The following GRIN2D variants were observed in gnomAD, a reference collection of about 807,000 sequenced individuals.
The protein encoded by GRIN2D is glutamate receptor ionotropic, NMDA 2D.
Under a neutral mutation model 103.2 loss-of-function variants are expected in GRIN2D, and 37 were observed. The ratio of observed to expected loss-of-function variants is 0.36; its 90% CI spans 0.28 to 0.47. The LOEUF (loss-of-function observed/expected upper bound fraction) is 0.47, where lower values mean the gene tolerates loss of function less well. GRIN2D is among the 20% of genes least tolerant of loss of function. GRIN2D has a pLI of 1.00. For missense variants in GRIN2D, 1,557 were observed against 1,910.6 expected (o/e 0.81, Z 3.45); for synonymous variants, 845 against 885.6 (o/e 0.95, Z 0.81).
chr19:48,419,516 T>A (rs545387915), intron 9 of GRIN2D, 69 bp from the exon 10 acceptor site: 1 of 74,172 alleles, frequency 1.3e-5, no homozygotes, highest in South Asian at 5.6e-4. Flanking sequence ...TAGTTCTTTC[T>A]TTTTTTTTTT....
chr19:48,440,886 C>T (rs1971283243), intron 11 of GRIN2D, among the ~76,000 whole-genome samples: 1 of 152,080 alleles, frequency 6.6e-6, no homozygotes, highest in Non-Finnish European at 1.5e-5. Flanking sequence ...GGGGTTTCAC[C>T]ATGTTGGCCA....
Position 48,404,790 on chromosome 19 carries a change from C to A in GRIN2D, c.522C>A (p.Val174=). 1.2e-6 allele frequency: 2 copies of A among 1,613,966 alleles called. No individual in the cohort carries two copies. The highest frequency in any genetic ancestry group is 1.1e-5 in the South Asian group (1 of 91,050). ...LGSSTEQQLQ[V]IFEVLEEYDW... ...CTTCCACCGAGCAACAGCTTCAGGT[C>A]ATCTTTGAGGTGCTGGAGGAGTATG... Residue 174 remains valine, a synonymous_variant, in exon 4 of 14, where the codon GTC becomes GTA. Coordinates refer to ENST00000263269, the MANE Select transcript of GRIN2D (RefSeq NM_000836.4).
chr19:48,412,873 G>A (rs1047731738), intron 4 of GRIN2D, among the ~76,000 whole-genome samples: 25 of 147,444 alleles, frequency 1.7e-4, no homozygotes, highest in African/African-American at 5.6e-4. Flanking sequence ...GCTCATGCCT[G>A]TAATCCCAAC....
At position 48,442,486 on chromosome 19, in the gene GRIN2D, G is replaced by T. The variant is rs140029041; in HGVS notation, c.2673+104G>T. On this transcript the variant is annotated intron_variant, in intron 13 of 13. Coordinates refer to ENST00000263269, the MANE Select transcript of GRIN2D (RefSeq NM_000836.4). This position sits in a 1 kb window ranked among gnomAD's most constrained non-coding sequence, Gnocchi z 7.2. ...ATGTGGGTCGAGATGTGGATAGTGG[G>T]GAAGAGAGCGGGAAACACAGGCGGG... 5,763 of 1,514,738 alleles carry T rather than the reference G, an allele frequency of 3.8e-3. 147 individuals are homozygous for T. The African/African-American group carries it at 0.069, about 18-fold the overall frequency. 93.8% of individuals were successfully genotyped at this position (1,514,738 alleles called of 1,614,324 possible).
Position 48,394,633 on chromosome 19 carries a change from G to A in GRIN2D, c.-305-25G>A, listed in dbSNP as rs914882811. Among the ~76,000 whole-genome samples, 4 of 152,274 alleles carry A rather than the reference G, an allele frequency of 2.6e-5. No individual in the cohort carries two copies. Among genetic ancestry groups the A allele is most frequent in the African/African-American group, 9.6e-5 (4 of 41,570 alleles). On this transcript the variant is annotated intron_variant, in intron 1 of 13. Coordinates refer to ENST00000263269, the MANE Select transcript of GRIN2D (RefSeq NM_000836.4). The surrounding 1 kb of genome is among the most constrained non-coding windows in gnomAD (Gnocchi z 5.1). The stretch of plus-strand genomic sequence containing the variant: ...GCAAGAGGACACCCCGACAGCCTCT[G>A]CAATGTCCGGGGCCCAACTTCCAGA...
chr19:48,407,516 GGT>G (rs767476614), intron 4 of GRIN2D, among the ~76,000 whole-genome samples: 6 of 152,158 alleles, frequency 3.9e-5, no homozygotes, highest in East Asian at 3.8e-4. Flanking sequence ...TTCCAAACCA[GGT>G]TGCACAAGTC....
chr19:48,419,468 CG>C (rs1970989638), intron 9 of GRIN2D, 109 bp downstream of exon 9: 1 of 1,413,750 alleles, frequency 7.1e-7, no homozygotes, highest in African/African-American at 1.4e-5. Context: ...TAGGGCCTCT[CG>C]GGAGGTGCCA....
chr19:48,416,798 T>G (rs992378425), intron 8 of GRIN2D, among the ~76,000 whole-genome samples: 2 of 150,388 alleles, frequency 1.3e-5, no homozygotes, highest in South Asian at 4.2e-4. Flanking sequence ...TGGAATGCAG[T>G]GGCACCATCT....
At chr19:48,419,128 C>T (rs1052191765) in intron 8 of GRIN2D, 106 bp from the exon 9 acceptor site, 53 of 1,019,950 alleles carry the variant, frequency 5.2e-5, no homozygotes, top group Admixed American at 1.3e-4. Context: ...ATCCTCCTGC[C>T]TCAGCCTCCC....
At position 48,398,384 on chromosome 19, in the gene GRIN2D, C is replaced by A; in HGVS notation, c.-9C>A. ...GCGCTCAGAGGCCGCCCGGCGGGGC[C>A]CGCAGGCGATGCGCGGCGCCGGTGG... On this transcript the variant is annotated 5_prime_UTR_variant, in exon 3 of 14. Coordinates refer to ENST00000263269, the MANE Select transcript of GRIN2D (RefSeq NM_000836.4). 1 of 1,122,500 alleles carries A rather than the reference C, an allele frequency of 8.9e-7. No individual in the cohort carries two copies. Among genetic ancestry groups the A allele is most frequent in the Non-Finnish European group, 1.1e-6 (1 of 918,756 alleles). The allele number at this position is 1,122,500 out of a possible 1,614,324, so 69.5% of individuals were successfully genotyped here. A position where few individuals can be genotyped will look rare whatever the true frequency, so the allele number is the denominator to read the frequency against.
chr19:48,412,433 G>GA (rs896758818), intron 4 of GRIN2D, among the ~76,000 whole-genome samples: 16 of 124,904 alleles, frequency 1.3e-4, no homozygotes, highest in African/African-American at 5.1e-4. Flanking sequence ...AAGAAAGAAA[G>GA]AAAGAAAGAA....
chr19:48,441,988 A>G (rs1290018882), intron 12 of GRIN2D, 32 bp downstream of exon 12: 14 of 1,581,356 alleles, frequency 8.9e-6, no homozygotes, highest in Non-Finnish European at 1.1e-5. Context: ...TCCACAGCGG[A>G]GAGGGGGAGG....
rs1267753813 is a variant in GRIN2D, at chr19:48,414,749, T to G, written c.1413-115T>G. On this transcript the variant is annotated intron_variant, in intron 6 of 13. Coordinates refer to ENST00000263269, the MANE Select transcript of GRIN2D (RefSeq NM_000836.4). The surrounding 1 kb of genome is among the most constrained non-coding windows in gnomAD (Gnocchi z 4.6). ...GAATTCTTTGAGCCTGAGTTTCCCCTGAAAGCGCTAACCATAGTTTTAGCT... is the reference window on the plus strand; with the variant it reads ...GAATTCTTTGAGCCTGAGTTTCCCCGGAAAGCGCTAACCATAGTTTTAGCT... The G allele has an allele frequency of 7.5e-7, 1 of 1,340,756 alleles. No homozygotes were observed. The highest frequency in any genetic ancestry group is 1.0e-6 in the Non-Finnish European group (1 of 969,334). The allele number at this position is 1,340,756 out of a possible 1,614,324, so 83.1% of individuals were successfully genotyped here. A position where few individuals can be genotyped will look rare whatever the true frequency, so the allele number is the denominator to read the frequency against.
chr19:48,415,935 G>GCCGT (rs962089005), intron 7 of GRIN2D, 67 bp from the exon 8 acceptor site: 5 of 1,449,862 alleles, frequency 3.4e-6, no homozygotes, highest in Non-Finnish European at 4.8e-6. Flanking sequence ...GTCTCTGCTC[G>GCCGT]CCGTCCGTGT....
Position 48,443,028 on chromosome 19 carries a change from C to T in GRIN2D, c.3102C>T (p.Pro1034=). Residue 1034 remains proline, a synonymous_variant, in exon 14 of 14, where the codon CCC becomes CCT. Transcript: ENST00000263269. This position sits in a 1 kb window ranked among gnomAD's most constrained non-coding sequence, Gnocchi z 8.9. ...FPGFPSPPAP[P]AAAATAVGPP... ...GCTTCCCGTCGCCGCCCGCGCCCCC[C>T]GCCGCCGCGGCCACCGCCGTCGGGC... The T allele has an allele frequency of 1.9e-6, 2 of 1,058,064 alleles. No homozygotes were observed. The highest frequency in any genetic ancestry group is 2.3e-6 in the Non-Finnish European group (2 of 880,558). The allele number at this position is 1,058,064 out of a possible 1,614,324, so 65.5% of individuals were successfully genotyped here. A position where few individuals can be genotyped will look rare whatever the true frequency, so the allele number is the denominator to read the frequency against.
In GRIN2D at chr19:48,444,082, T is replaced by A. The variant is rs952858248; in HGVS notation, c.*145T>A. Reference sequence around the variant, plus strand: ...GCCTGGAGCAGCGTCCTGCGCCCCCTGGTTCTGGAGGAACCGCAAGCCGGA... The same window carrying A: ...GCCTGGAGCAGCGTCCTGCGCCCCCAGGTTCTGGAGGAACCGCAAGCCGGA... On this transcript the variant is annotated 3_prime_UTR_variant, in exon 14 of 14. Coordinates refer to ENST00000263269, the MANE Select transcript of GRIN2D (RefSeq NM_000836.4). This position sits in a 1 kb window ranked among gnomAD's most constrained non-coding sequence, Gnocchi z 5.5. 3.8e-5 allele frequency: 19 copies of A among 495,742 alleles called. No homozygotes were observed. Among genetic ancestry groups the A allele is most frequent in the African/African-American group, 3.2e-4 (16 of 49,740 alleles). The allele number at this position is 495,742 out of a possible 1,614,324, so 30.7% of individuals were successfully genotyped here.
Position 48,442,738 on chromosome 19 carries a change from G to C in GRIN2D, c.2812G>C (p.Ala938Pro). The C allele has an allele frequency of 9.1e-7, 1 of 1,102,798 alleles. No homozygotes were observed. 68.3% of individuals were successfully genotyped at this position (1,102,798 alleles called of 1,614,324 possible). ...CGCACCTTTCGTGCCCCGCGAGCGCGCCTCAGTGGACCGCTGGCGCCGGAC... is the reference window on the plus strand; with the variant it reads ...CGCACCTTTCGTGCCCCGCGAGCGCCCCTCAGTGGACCGCTGGCGCCGGAC... Reference protein sequence around the residue: ...GPAPFVPRERASVDRWRRTKG... With the variant: ...GPAPFVPRERPSVDRWRRTKG... The change falls in exon 14 of 14, where the codon GCC (alanine) becomes CCC (proline). Residue 938 changes from alanine (A) to proline (P), a missense_variant. This residue lies in a region of GRIN2D where 632 missense variants were observed against 572.8 expected (regional missense o/e 1.10). Transcript: ENST00000263269. This position sits in a 1 kb window ranked among gnomAD's most constrained non-coding sequence, Gnocchi z 7.2.
At chr19:48,425,070 C>T (rs1971071809) in intron 11 of GRIN2D, among the ~76,000 whole-genome samples, 1 of 152,044 alleles carries the variant, frequency 6.6e-6, no homozygotes, top group East Asian at 1.9e-4. Flanking sequence ...CCTTTCCAGG[C>T]TGCCACCTCC....
intron 11 of GRIN2D, among the ~76,000 whole-genome samples, chr19:48,424,241 C>A (rs761383763): frequency 9.7e-5 from 14 of 144,798 alleles, no homozygotes; most frequent in Middle Eastern, 3.4e-3. Context: ...CATAGTGAGA[C>A]CCCCTTGACT....
Sources: gnomAD v4.1 joint callset for allele counts (sites outside exome capture counted in the v4.1 genomes callset) on GRCh38, gnomAD v4.1.1 for gene constraint, gnomAD v4.1.1 regional missense constraint, Gnocchi (gnomAD v3.1) non-coding constraint, MANE v1.5 for transcripts, NCBI Gene and HGNC (gene_info 2026-07-23, HGNC 2026-07-21) for gene names.